The following DAB1 variants were observed in gnomAD, a reference collection of about 807,000 sequenced individuals.
The protein encoded by DAB1 is DAB adaptor protein 1, also known as disabled homolog 1.
A neutral mutation model predicts 64.6 loss-of-function variants in DAB1; 15 were observed. That is an observed-to-expected ratio of 0.23 (90% CI 0.16 to 0.36). The LOEUF is 0.36. DAB1 is among the 10% of genes least tolerant of loss of function. The pLI is 1.00. For synonymous variants in DAB1, 235 were observed against 251.9 expected, an observed-to-expected ratio of 0.93 and a Z score of 0.64; for missense variants, 596 against 706.7, an observed-to-expected ratio of 0.84 and a Z score of 1.78.
At chr1:58,534,491 T>C (rs988446676) in intron 1 of DAB1, among the ~76,000 whole-genome samples, 6 of 152,386 alleles carry the variant, frequency 3.9e-5, no homozygotes, top group Middle Eastern at 3.4e-3. Flanking sequence ...ATCTGAATTA[T>C]TCATGCAAAG....
chr1:58,371,281 C>T (rs779114478), intron 3 of DAB1, among the ~76,000 whole-genome samples: 4 of 152,174 alleles, frequency 2.6e-5, no homozygotes, highest in Non-Finnish European at 5.9e-5. Flanking sequence ...CAGTTTGCCC[C>T]TGCCCTAGAG....
At chr1:58,101,394 A>C (rs1651312937) in intron 5 of DAB1, among the ~76,000 whole-genome samples, 1 of 152,228 alleles carries the variant, frequency 6.6e-6, no homozygotes, top group African/African-American at 2.4e-5. Context: ...TAGGGGGATC[A>C]GTAATCGTAT....
intron 5 of DAB1, among the ~76,000 whole-genome samples, chr1:58,121,108 G>A (rs758959847): frequency 2.4e-4 from 37 of 152,078 alleles, no homozygotes; most frequent in Non-Finnish European, 4.9e-4. Flanking sequence ...GTAGGAAAAT[G>A]GGATCTTTGA....
chr1:58,381,353 T>G (rs534694192), intron 3 of DAB1, among the ~76,000 whole-genome samples: 68 of 151,998 alleles, frequency 4.5e-4, no homozygotes, highest in African/African-American at 1.6e-3. Context: ...GTCAGCCAAG[T>G]AGGGCTTTTA....
intron 3 of DAB1, among the ~76,000 whole-genome samples, chr1:58,374,820 T>C (rs1039015352): frequency 5.8e-5 from 8 of 138,316 alleles, no homozygotes; most frequent in African/African-American, 1.9e-4. Flanking sequence ...GAGCATGGAA[T>C]GTTCTTCCAT....
chr1:58,383,265 C>T (rs1644405432), intron 3 of DAB1, among the ~76,000 whole-genome samples: 1 of 152,146 alleles, frequency 6.6e-6, no homozygotes. Context: ...AAGTGCATGA[C>T]AGAGTCAAGA....
chr1:58,134,677 C>T (rs1653844364), intron 5 of DAB1, among the ~76,000 whole-genome samples: 1 of 152,148 alleles, frequency 6.6e-6, no homozygotes, highest in Non-Finnish European at 1.5e-5. Flanking sequence ...GACGGTGATA[C>T]ACACTTTTTA....
chr1:57,955,872 G>A (rs1194703618), intron 5 of DAB1, among the ~76,000 whole-genome samples: 1 of 152,180 alleles, frequency 6.6e-6, no homozygotes, highest in African/African-American at 2.4e-5. Flanking sequence ...TAATTATATG[G>A]TATATACTGG....
At chr1:57,869,053 T>G (rs931813023) in intron 1 of DAB1, among the ~76,000 whole-genome samples, 2 of 152,112 alleles carry the variant, frequency 1.3e-5, no homozygotes, top group Admixed American at 6.6e-5. Flanking sequence ...CTCTATTTCT[T>G]TTATGATATC....
chr1:57,719,215 T>C (rs1647122057), intron 6 of DAB1, among the ~76,000 whole-genome samples: 1 of 152,228 alleles, frequency 6.6e-6, no homozygotes, highest in South Asian at 2.1e-4. Context: ...TGTTGGCTGA[T>C]GAAATGCCAC....
chr1:57,439,418 G>GTTTTTTTGTTTTTTTT, intron 7 of DAB1, among the ~76,000 whole-genome samples: 1 of 116,140 alleles, frequency 8.6e-6, no homozygotes, highest in African/African-American at 3.5e-5. Flanking sequence ...TGGTGATGAG[G>GTTTTTTTGTTTTTTTT]TTTTTTCTTT....
At chr1:58,074,035 A>C (rs1036239983) in intron 5 of DAB1, among the ~76,000 whole-genome samples, 1 of 152,160 alleles carries the variant, frequency 6.6e-6, no homozygotes. Flanking sequence ...GTTCAAACCA[A>C]CCTTGAGTTC....
chr1:57,272,859 T>C (rs1671121565), intron 2 of DAB1, among the ~76,000 whole-genome samples: 1 of 152,126 alleles, frequency 6.6e-6, no homozygotes, highest in African/African-American at 2.4e-5. Context: ...GGGGTCAGGA[T>C]AGGCTGGTGG....
intron 5 of DAB1, among the ~76,000 whole-genome samples, chr1:58,126,326 G>A (rs542852325): frequency 1.9e-3 from 284 of 152,254 alleles, no homozygotes; most frequent in Non-Finnish European, 3.1e-3. Context: ...AGGGCTCTCC[G>A]CAGCCCGGGG....
At chr1:58,020,276 G>A (rs548030833) in intron 5 of DAB1, among the ~76,000 whole-genome samples, 3 of 152,222 alleles carry the variant, frequency 2.0e-5, no homozygotes, top group Admixed American at 6.5e-5. Context: ...TGTGTTCAAG[G>A]AAGTGCTTAA....
intron 1 of DAB1, among the ~76,000 whole-genome samples, chr1:57,376,550 C>T (rs1680910520): frequency 1.3e-5 from 2 of 152,154 alleles, no homozygotes; most frequent in African/African-American, 2.4e-5. Context: ...TGGCAAATAT[C>T]GGGTGCAAAA....
chr1:58,181,890 T>C (rs897332901), intron 4 of DAB1, among the ~76,000 whole-genome samples: 1 of 152,038 alleles, frequency 6.6e-6, no homozygotes, highest in South Asian at 2.1e-4. Context: ...AACTTACAAG[T>C]GCTCTTTATT....
chr1:57,841,961 G>C (rs1396667000), intron 1 of DAB1, among the ~76,000 whole-genome samples: 2 of 152,164 alleles, frequency 1.3e-5, no homozygotes, highest in African/African-American at 4.8e-5. Flanking sequence ...TGCATGGTCA[G>C]GCTAGAAATT....
At chr1:57,565,433 T>G (rs1216552593) in intron 7 of DAB1, among the ~76,000 whole-genome samples, 1 of 152,116 alleles carries the variant, frequency 6.6e-6, no homozygotes, top group Non-Finnish European at 1.5e-5. Context: ...ATATTAACCT[T>G]AAATGTAAAT....
Sources: gnomAD v4.1 joint callset for allele counts (sites outside exome capture counted in the v4.1 genomes callset) on GRCh38, gnomAD v4.1.1 for gene constraint, MANE v1.5 for transcripts, NCBI Gene and HGNC (gene_info 2026-07-23, HGNC 2026-07-21) for gene names.